Variants in PDE9A observed in about 807,000 individuals in gnomAD.
The protein encoded by PDE9A is high affinity cGMP-specific 3',5'-cyclic phosphodiesterase 9A.
PDE9A carries 60 observed loss-of-function variants against 87.4 expected under a neutral mutation model. The observed-to-expected ratio is 0.69, with a 90% CI of 0.56 to 0.85. The LOEUF is 0.85. Ranked by LOEUF, PDE9A falls within the 40% of genes least tolerant of loss-of-function variation. The pLI is 0.00. For synonymous variants in PDE9A, 272 were observed against 279.4 expected (o/e 0.97, Z 0.27); for missense variants, 665 against 779.0 (o/e 0.85, Z 1.74).
In PDE9A at chr21:42,759,213, T is replaced by G. The variant is rs944254286; in HGVS notation, c.897+128T>G. On this transcript the variant is annotated intron_variant, in intron 11 of 19. Coordinates refer to ENST00000291539, the MANE Select transcript of PDE9A (RefSeq NM_002606.3). The surrounding 1 kb of genome is among the most constrained non-coding windows in gnomAD (Gnocchi z 7.2). The stretch of plus-strand genomic sequence containing the variant: ...GCGCTCCCTGTGAGCAGAGGTGACA[T>G]TTCCCCGGGAGTTCTGTGAGGACAC... 1 of 671,748 alleles carries G rather than the reference T, an allele frequency of 1.5e-6. No homozygotes were observed. The highest frequency in any genetic ancestry group is 1.8e-5 in the African/African-American group (1 of 56,088). The allele number at this position is 671,748 out of a possible 1,614,324, so 41.6% of individuals were successfully genotyped here. A position where few individuals can be genotyped will look rare whatever the true frequency, so the allele number is the denominator to read the frequency against.
chr21:42,707,977 T>C (rs2146421718), intron 4 of PDE9A, among the ~76,000 whole-genome samples: 1 of 152,326 alleles, frequency 6.6e-6, no homozygotes, highest in East Asian at 1.9e-4. Context: ...AGAACAGGAA[T>C]GCTTCCTAAG....
chr21:42,670,730 C>T (rs1017546075), intron 1 of PDE9A, among the ~76,000 whole-genome samples: 3 of 149,370 alleles, frequency 2.0e-5, no homozygotes, highest in African/African-American at 7.3e-5. Flanking sequence ...CAGTCACATA[C>T]ACCCACATTC....
At chr21:42,657,330 C>A (rs1442719056) in intron 1 of PDE9A, among the ~76,000 whole-genome samples, 1 of 152,206 alleles carries the variant, frequency 6.6e-6, no homozygotes, top group East Asian at 1.9e-4. Context: ...CCTCCTGTCA[C>A]CCCCAACCCC....
At chr21:42,699,081 A>G in intron 4 of PDE9A, 70 bp downstream of exon 4, 1 of 952,508 alleles carries the variant, frequency 1.0e-6, no homozygotes, top group Non-Finnish European at 1.7e-6. Flanking sequence ...CCTGTGATAA[A>G]ATATATACTA....
chr21:42,688,084 T>G, intron 3 of PDE9A, 90 bp downstream of exon 3: 2 of 1,045,750 alleles, frequency 1.9e-6, no homozygotes, highest in Non-Finnish European at 3.0e-6. Flanking sequence ...AATGTGCTAC[T>G]GCAGAAAGGT....
At chr21:42,770,924 CG>C in intron 18 of PDE9A, 126 bp downstream of exon 18, 1 of 655,598 alleles carries the variant, frequency 1.5e-6, no homozygotes, top group East Asian at 2.7e-5. Flanking sequence ...GACAGGCACA[CG>C]TGTACCTTCC....
At chr21:42,690,360 G>A (rs566210867) in intron 3 of PDE9A, among the ~76,000 whole-genome samples, 21 of 152,172 alleles carry the variant, frequency 1.4e-4, no homozygotes, top group Admixed American at 4.6e-4. Context: ...ATGCGGAAAC[G>A]GATCTAGACA....
chr21:42,738,756 G>A (rs1447006127), intron 7 of PDE9A, among the ~76,000 whole-genome samples: 1 of 152,126 alleles, frequency 6.6e-6, no homozygotes, highest in Admixed American at 6.5e-5. Context: ...TGTGATCTTG[G>A]CCCACTGCAA....
intron 7 of PDE9A, among the ~76,000 whole-genome samples, chr21:42,742,091 A>G (rs992847204): frequency 2.6e-5 from 4 of 152,186 alleles, no homozygotes; most frequent in Non-Finnish European, 5.9e-5. Context: ...AGCCAAGGGT[A>G]AATATCTTGA....
intron 1 of PDE9A, among the ~76,000 whole-genome samples, chr21:42,679,524 C>T (rs1377268047): frequency 2.0e-5 from 3 of 152,126 alleles, no homozygotes; most frequent in Admixed American, 6.5e-5. Context: ...AGCCTCACGA[C>T]GAGGAGACCT....
rs142021709 is a variant in PDE9A at position 42,681,922 on chromosome 21, C to A, written c.70-4270C>A. ...GTCAGGAAGCCCTATGGCCTCCTGA[C>A]GAGGCAGCCTAGGGGTCCTCCCGTG... On this transcript the variant is annotated intron_variant, in intron 1 of 19. Coordinates refer to ENST00000291539, the MANE Select transcript of PDE9A (RefSeq NM_002606.3). 1.9e-4 allele frequency among the ~76,000 whole-genome samples: 29 copies of A among 152,328 alleles called. 1 individual carries two copies. In the East Asian group the frequency reaches 5.6e-3, roughly 29 times the overall value.
intron 4 of PDE9A, among the ~76,000 whole-genome samples, chr21:42,711,534 G>A (rs981074099): frequency 2.8e-4 from 42 of 151,938 alleles, no homozygotes; most frequent in African/African-American, 9.7e-4. Flanking sequence ...ACCGCACCAG[G>A]CCCCCCAAAT....
intron 9 of PDE9A, 82 bp downstream of exon 9, chr21:42,751,279 C>G (rs1206265563): frequency 1.0e-6 from 1 of 1,001,822 alleles, no homozygotes; most frequent in East Asian, 2.4e-5. Flanking sequence ...CGGCCAGACC[C>G]TGCTGTGTGT....
intron 4 of PDE9A, among the ~76,000 whole-genome samples, chr21:42,719,629 G>C (rs1257697284): frequency 7.8e-6 from 1 of 128,024 alleles, no homozygotes; most frequent in African/African-American, 3.0e-5. Context: ...GACAGAGTGA[G>C]AGTCTGTCTC....
At chr21:42,714,939 T>A (rs34129365) in intron 4 of PDE9A, among the ~76,000 whole-genome samples, 97,455 of 146,704 alleles carry the variant, frequency 0.66, 33,013 homozygotes, top group East Asian at 0.93. Flanking sequence ...TAGCTCTACC[T>A]GTCTTTGTTC....
At chr21:42,654,075 G>A (rs2145733314) in intron 1 of PDE9A, among the ~76,000 whole-genome samples, 192 bp downstream of exon 1, 1 of 145,170 alleles carries the variant, frequency 6.9e-6, no homozygotes, top group South Asian at 2.3e-4. Context: ...GCCCTGGGGG[G>A]TGGGGGGTGG....
At chr21:42,773,656 C>T (rs1213015553) in intron 19 of PDE9A, among the ~76,000 whole-genome samples, 1 of 150,908 alleles carries the variant, frequency 6.6e-6, no homozygotes, top group Non-Finnish European at 1.5e-5. Context: ...AAAAAATTAG[C>T]CGGGCGTGGT....
chr21:42,735,917 C>T (rs1169144787), intron 7 of PDE9A, among the ~76,000 whole-genome samples: 2 of 152,202 alleles, frequency 1.3e-5, no homozygotes, highest in East Asian at 1.9e-4. Context: ...TCCACCAAGC[C>T]CCATGTCGCA....
chr21:42,691,744 A>G (rs539577923), intron 3 of PDE9A, among the ~76,000 whole-genome samples: 1 of 146,298 alleles, frequency 6.8e-6, no homozygotes, highest in East Asian at 2.1e-4. Flanking sequence ...GCCCTTCACC[A>G]TCATCCGAAG....
Sources: allele counts gnomAD v4.1 joint callset (sites outside exome capture counted in the v4.1 genomes callset), GRCh38; gene constraint gnomAD v4.1.1; non-coding constraint Gnocchi (gnomAD v3.1); transcripts MANE v1.5; gene names NCBI Gene and HGNC (gene_info 2026-07-23, HGNC 2026-07-21).